Variants in FANCA observed in about 807,000 individuals in gnomAD.
FANCA encodes the protein Fanconi anemia group A protein.
Under a neutral mutation model 194.3 loss-of-function variants are expected in FANCA, and 236 were observed. That is an observed-to-expected ratio of 1.21 (90% CI 1.09 to 1.35). The LOEUF (loss-of-function observed/expected upper bound fraction) is 1.35. Ranked by LOEUF, FANCA falls within the 40% of genes most tolerant of loss-of-function variation. The probability of loss-of-function intolerance (pLI) is 0.00; values close to 1 mark genes in which losing one functional copy is unlikely to be tolerated. For missense variants in FANCA, 2,628 were observed against 1,813.9 expected (o/e 1.45, Z -8.15); for synonymous variants, 1,014 against 715.8 (o/e 1.42, Z -6.65).
chr16:89,795,587 G>A (rs1024601135), intron 11 of FANCA, among the ~76,000 whole-genome samples: 2 of 152,086 alleles, frequency 1.3e-5, no homozygotes, highest in African/African-American at 4.8e-5. Flanking sequence ...GCAGTGAGCT[G>A]AGATCACGCC....
At chr16:89,755,729 T>C (rs1396142849) in intron 30 of FANCA, among the ~76,000 whole-genome samples, 2 of 152,114 alleles carry the variant, frequency 1.3e-5, no homozygotes, top group Non-Finnish European at 2.9e-5. Flanking sequence ...GTAAGACAAA[T>C]ACAGTCATGA....
At position 89,780,195 on chromosome 16, in the gene FANCA, G is replaced by A. The variant is rs770950773; in HGVS notation, c.1627-238C>T. 2.6e-5 allele frequency among the ~76,000 whole-genome samples: 4 copies of A among 152,132 alleles called. No homozygotes were observed. The South Asian group carries it at 6.2e-4, about 24-fold the overall frequency. On this transcript the variant is annotated intron_variant, in intron 17 of 42. Transcript: ENST00000389301. ...TCCACACACACAAGGTTCAGACCCCGTGATGTGCGGCCCTCCTCGAGAGCT... is the reference window on the plus strand; with the variant it reads ...TCCACACACACAAGGTTCAGACCCCATGATGTGCGGCCCTCCTCGAGAGCT...
chr16:89,792,732 T>C, intron 11 of FANCA, 185 bp from the exon 12 acceptor site: 3 of 570,182 alleles, frequency 5.3e-6, no homozygotes, highest in South Asian at 1.7e-5. Context: ...ACCACTACCA[T>C]CAATGCGCGG....
At chr16:89,746,982 A>G (rs1350241648) in intron 33 of FANCA, 92 bp from the exon 34 acceptor site, 9 of 1,226,254 alleles carry the variant, frequency 7.3e-6, no homozygotes, top group Non-Finnish European at 1.1e-5. Context: ...AGTTTTGAGA[A>G]AAACACTCGC....
At chr16:89,757,563 T>C (rs1184840666) in intron 30 of FANCA, among the ~76,000 whole-genome samples, 5 of 152,152 alleles carry the variant, frequency 3.3e-5, no homozygotes, top group Non-Finnish European at 5.9e-5. Context: ...ATAAAATGGA[T>C]TCGTGGTTGC....
chr16:89,759,322 A>T (rs1238656115), intron 29 of FANCA, among the ~76,000 whole-genome samples: 34,955 of 86,366 alleles, frequency 0.4, 10,118 homozygotes, highest in East Asian at 0.75. Flanking sequence ...TCCGTCTAAA[A>T]AAAAAAAAAA....
At chr16:89,780,929 CAA>C (rs374412313) in intron 17 of FANCA, among the ~76,000 whole-genome samples, 52 of 107,370 alleles carry the variant, frequency 4.8e-4, no homozygotes, top group Non-Finnish European at 4.7e-4. Context: ...CATCCCACCT[CAA>C]AAAAAAAAAA....
Position 89,748,082 on chromosome 16 carries a change from T to G in FANCA, c.3348+577A>C, listed in dbSNP as rs2038452552. ...GTGCACCACCATACCCAGCTAATTT[T>G]TCTATTTTTTGTAGAAACAGGGTTT... On this transcript the variant is annotated intron_variant, in intron 33 of 42. Transcript: ENST00000389301. Among the ~76,000 whole-genome samples the G allele has an allele frequency of 8.5e-5, 13 of 152,270 alleles. No homozygotes were observed. The South Asian group carries it at 2.7e-3, about 32-fold the overall frequency.
At chr16:89,759,887 T>C (rs1340968264) in intron 29 of FANCA, among the ~76,000 whole-genome samples, 1 of 152,102 alleles carries the variant, frequency 6.6e-6, no homozygotes, top group Non-Finnish European at 1.5e-5. Context: ...GTGTGTGCTC[T>C]CCTCACACTG....
chr16:89,761,520 A>G (rs1189027773), intron 29 of FANCA, among the ~76,000 whole-genome samples: 1 of 152,018 alleles, frequency 6.6e-6, no homozygotes, highest in African/African-American at 2.4e-5. Context: ...AAAAAAATTG[A>G]AATTGTGCTC....
At chr16:89,771,091 G>T (rs1256821272) in intron 23 of FANCA, among the ~76,000 whole-genome samples, 1 of 151,232 alleles carries the variant, frequency 6.6e-6, no homozygotes, top group East Asian at 1.9e-4. Flanking sequence ...CTTGAACCCA[G>T]GAGGTGGAGG....
intron 18 of FANCA, among the ~76,000 whole-genome samples, 158 bp from the exon 19 acceptor site, chr16:89,779,161 G>A (rs1385659285): frequency 2.0e-5 from 3 of 152,180 alleles, no homozygotes; most frequent in Non-Finnish European, 4.4e-5. Flanking sequence ...GACAAGGCAT[G>A]TGTAGGGCAG....
chr16:89,750,047 A>C, intron 31 of FANCA, 145 bp from the exon 32 acceptor site: 1 of 840,998 alleles, frequency 1.2e-6, no homozygotes, highest in Non-Finnish European at 2.0e-6. Context: ...TTCAATTGGA[A>C]ATCACTTTGA....
chr16:89,745,282 G>C (rs1385570194), intron 35 of FANCA, among the ~76,000 whole-genome samples: 1 of 152,238 alleles, frequency 6.6e-6, no homozygotes, highest in East Asian at 1.9e-4. Flanking sequence ...TGGAAGACGT[G>C]GAATTTGGAG....
In FANCA at chr16:89,811,017, G is replaced by C. The variant is rs149903404; in HGVS notation, c.338C>G (p.Ser113Ter). The change falls in exon 4 of 43, where the codon TCA becomes TGA. Residue 113 changes from serine (S) to a stop codon, truncating the protein, a stop_gained. Transcript: ENST00000389301. LOFTEE classifies it high-confidence loss of function. ...SRLGVPVGIL[S>*]AGMVASSVGQ... ...CACGCTAGAGGCAACCATCCCGGCTGAGAGAATACCCACGGGAACCCCCAG... is the reference window on the plus strand; with the variant it reads ...CACGCTAGAGGCAACCATCCCGGCTCAGAGAATACCCACGGGAACCCCCAG... 6.2e-7 allele frequency: 1 copy of C among 1,613,936 alleles called. No homozygotes were observed. The highest frequency in any genetic ancestry group is 8.5e-7 in the Non-Finnish European group (1 of 1,180,036).
chr16:89,748,825 A>G lies in FANCA; in HGVS notation c.3240-58T>C, dbSNP rs17227092. On this transcript the variant is annotated intron_variant, in intron 32 of 42. Transcript: ENST00000389301. ...CACAGCGTACACTCTGCTCCTTCCC[A>G]AGGGCTCAGACTCTCAGAGCAGCAA... The G allele has an allele frequency of 4.6e-4, 652 of 1,421,116 alleles. 1 individual carries two copies. The African/African-American group carries it at 8.4e-3, about 18-fold the overall frequency. 88.0% of individuals were successfully genotyped at this position (1,421,116 alleles called of 1,614,324 possible).
At position 89,770,639 on chromosome 16, in the gene FANCA, A is replaced by G. The variant is rs773645452; in HGVS notation, c.2152-5T>C. Reference sequence around the variant, plus strand: ...CGTCAGCAGGAGGTCCACAGCCTGCAGAGACACAGTTCTCATGAGCGTGGT... The same window carrying G: ...CGTCAGCAGGAGGTCCACAGCCTGCGGAGACACAGTTCTCATGAGCGTGGT... On this transcript the variant is annotated splice_polypyrimidine_tract_variant and splice_region_variant and intron_variant, in intron 23 of 42. Transcript: ENST00000389301. The G allele has an allele frequency of 6.2e-7, 1 of 1,605,798 alleles. No individual in the cohort carries two copies. Among genetic ancestry groups the G allele is most frequent in the Non-Finnish European group, 8.5e-7 (1 of 1,175,898 alleles).
chr16:89,740,151 G>A (rs1216610618), intron 38 of FANCA, 52 bp from the exon 39 acceptor site: 1 of 1,398,728 alleles, frequency 7.1e-7, no homozygotes. Flanking sequence ...GTGCTCCCAT[G>A]GGTAGGAGGG....
Position 89,748,700 on chromosome 16 carries a change from C to A in FANCA, c.3307G>T (p.Ala1103Ser), listed in dbSNP as rs1454740459. Residue 1103 changes from alanine to serine, a missense_variant, in exon 33 of 43, where the codon GCC becomes TCC. Coordinates refer to ENST00000389301, the MANE Select transcript of FANCA (RefSeq NM_000135.4). Reference sequence around the variant, plus strand: ...AAGTGGAAGAACTGCTCGCATCTGGCAGTGATGGGCTGTTCTGCCTGGAAG... The same window carrying A: ...AAGTGGAAGAACTGCTCGCATCTGGAAGTGATGGGCTGTTCTGCCTGGAAG... Reference protein sequence around the residue: ...SSFQAEQPITARCEQFFHLVN... With the variant: ...SSFQAEQPITSRCEQFFHLVN... 3 of 1,614,002 alleles carry A rather than the reference C, an allele frequency of 1.9e-6. No homozygotes were observed. Among genetic ancestry groups the A allele is most frequent in the Non-Finnish European group, 2.5e-6 (3 of 1,180,022 alleles).
Sources: gnomAD v4.1 joint callset for allele counts (sites outside exome capture counted in the v4.1 genomes callset) on GRCh38, gnomAD v4.1.1 for gene constraint, MANE v1.5 for transcripts, NCBI Gene and HGNC (gene_info 2026-07-23, HGNC 2026-07-21) for gene names.